IQCM: variants seen among roughly 807,000 people sequenced by gnomAD.
IQCM encodes IQ motif containing M.
IQCM carries 45 observed loss-of-function variants against 57.6 expected under a neutral mutation model. That is an observed-to-expected ratio of 0.78 (90% CI 0.62 to 1.00). The LOEUF (loss-of-function observed/expected upper bound fraction) is 1.00, where lower values mean the gene tolerates loss of function less well. IQCM is among the 50% of genes least tolerant of loss of function. The pLI, the probability that IQCM is intolerant of heterozygous loss-of-function variation, is 0.00. For synonymous variants in IQCM, 148 were observed against 158.9 expected, an observed-to-expected ratio of 0.93 and a Z score of 0.51; for missense variants, 468 against 511.6, an observed-to-expected ratio of 0.91 and a Z score of 0.82.
chr4:149,714,601 T>TA (rs1475129722), intron 5 of IQCM, among the ~76,000 whole-genome samples: 1 of 152,182 alleles, frequency 6.6e-6, no homozygotes, highest in Non-Finnish European at 1.5e-5. Flanking sequence ...CCAAATCCTA[T>TA]ATGTACCATG....
At chr4:149,415,349 T>C (rs548832077) in intron 13 of IQCM, among the ~76,000 whole-genome samples, 2 of 152,302 alleles carry the variant, frequency 1.3e-5, no homozygotes, top group African/African-American at 4.8e-5. Flanking sequence ...GTGCAAGACA[T>C]CATTCTTTAA....
intron 7 of IQCM, among the ~76,000 whole-genome samples, chr4:149,663,165 C>T (rs1227736806): frequency 2.0e-5 from 3 of 151,978 alleles, no homozygotes; most frequent in Non-Finnish European, 4.4e-5. Flanking sequence ...GTTTAGTGAA[C>T]ATAAAAGTAC....
At chr4:149,593,869 T>C (rs1161895381) in intron 8 of IQCM, among the ~76,000 whole-genome samples, 3 of 152,166 alleles carry the variant, frequency 2.0e-5, no homozygotes, top group Non-Finnish European at 2.9e-5. Context: ...CAGTATTTTA[T>C]TGAGGATCTT....
At chr4:149,612,682 TA>T in intron 8 of IQCM, among the ~76,000 whole-genome samples, 1 of 151,762 alleles carries the variant, frequency 6.6e-6, no homozygotes, top group Middle Eastern at 3.4e-3. Flanking sequence ...GTAAGCTATG[TA>T]ACTGTAACTG....
At chr4:149,624,558 C>T (rs748609567) in intron 7 of IQCM, among the ~76,000 whole-genome samples, 17 of 151,736 alleles carry the variant, frequency 1.1e-4, no homozygotes, top group Non-Finnish European at 2.2e-4. Context: ...AGATCGTATA[C>T]GACAGGTGAT....
intron 3 of IQCM, among the ~76,000 whole-genome samples, chr4:149,741,449 C>T (rs1414227688): frequency 1.3e-5 from 2 of 152,040 alleles, no homozygotes. Context: ...TGGGCATGAC[C>T]TAAAGCAAAA....
chr4:149,461,976 G>C (rs1738344191), intron 12 of IQCM, among the ~76,000 whole-genome samples: 1 of 152,164 alleles, frequency 6.6e-6, no homozygotes, highest in East Asian at 1.9e-4. Flanking sequence ...CCTGGGGGTT[G>C]GGGTCCCCTA....
chr4:149,770,615 TAAC>T (rs1056557466), intron 2 of IQCM, among the ~76,000 whole-genome samples: 2 of 152,014 alleles, frequency 1.3e-5, no homozygotes, highest in Admixed American at 1.3e-4. Flanking sequence ...CAAATTGTCT[TAAC>T]AATAAAATAT....
intron 12 of IQCM, among the ~76,000 whole-genome samples, chr4:149,516,986 C>A (rs1745036788): frequency 6.6e-6 from 1 of 151,770 alleles, no homozygotes; most frequent in African/African-American, 2.4e-5. Flanking sequence ...TACAGGAGAT[C>A]CATTAGGGCA....
At position 149,351,721 on chromosome 4, in the gene IQCM, T is replaced by G. The variant is rs1398083147; in HGVS notation, c.*230A>C. On this transcript the variant is annotated 3_prime_UTR_variant, in exon 14 of 14. Transcript: ENST00000636793. Reference sequence around the variant, plus strand: ...CTAATGAAAGGAGTACTTGACACTCTGCAGGTTTACTTCATTATGATAAAA... The same window carrying G: ...CTAATGAAAGGAGTACTTGACACTCGGCAGGTTTACTTCATTATGATAAAA... Among the ~76,000 whole-genome samples the G allele has an allele frequency of 6.6e-6, 1 of 152,222 alleles. No homozygotes were observed.
intron 12 of IQCM, among the ~76,000 whole-genome samples, chr4:149,484,349 T>C (rs924705330): frequency 6.6e-6 from 1 of 152,050 alleles, no homozygotes; most frequent in African/African-American, 2.4e-5. Flanking sequence ...TTTTGTTATT[T>C]GTTTTTTAGG....
intron 12 of IQCM, among the ~76,000 whole-genome samples, chr4:149,453,767 T>C: frequency 6.6e-6 from 1 of 151,914 alleles, no homozygotes; most frequent in East Asian, 1.9e-4. Context: ...ATATTGTTCG[T>C]GAGATTGTAA....
chr4:149,594,387 T>C (rs977262907), intron 8 of IQCM, among the ~76,000 whole-genome samples: 1 of 152,174 alleles, frequency 6.6e-6, no homozygotes, highest in Non-Finnish European at 1.5e-5. Flanking sequence ...ATCAATTTTG[T>C]TGATCTTTTC....
At chr4:149,810,450 T>C (rs1418064839) in intron 2 of IQCM, among the ~76,000 whole-genome samples, 2 of 149,840 alleles carry the variant, frequency 1.3e-5, no homozygotes, top group South Asian at 2.1e-4. Flanking sequence ...TTCAAAAACA[T>C]ATAATTTTTT....
chr4:149,731,310 T>A (rs944771856), intron 5 of IQCM, among the ~76,000 whole-genome samples: 2 of 152,118 alleles, frequency 1.3e-5, no homozygotes, highest in African/African-American at 4.8e-5. Flanking sequence ...CCTTCCACCA[T>A]GTGAAGACAC....
At chr4:149,588,930 T>C (rs185503065) in intron 8 of IQCM, among the ~76,000 whole-genome samples, 3 of 152,074 alleles carry the variant, frequency 2.0e-5, no homozygotes, top group Admixed American at 2.0e-4. Context: ...CCTGGCATAA[T>C]ATACCAGCTT....
intron 2 of IQCM, among the ~76,000 whole-genome samples, chr4:149,810,387 T>C (rs1237211525): frequency 3.4e-5 from 5 of 147,964 alleles, no homozygotes; most frequent in Admixed American, 3.4e-4. Flanking sequence ...AAAAGAAAAG[T>C]TGGAGTGCTT....
chr4:149,531,324 T>C (rs930867233), intron 12 of IQCM, among the ~76,000 whole-genome samples: 3 of 152,154 alleles, frequency 2.0e-5, no homozygotes, highest in African/African-American at 7.2e-5. Context: ...GGCAAGAAAT[T>C]ATGGTAACAA....
chr4:149,472,101 G>C (rs1168714261), intron 12 of IQCM, among the ~76,000 whole-genome samples: 1 of 152,148 alleles, frequency 6.6e-6, no homozygotes, highest in Non-Finnish European at 1.5e-5. Flanking sequence ...ATTTAACATA[G>C]TGTTGGAAGT....
Sources: allele counts gnomAD v4.1 joint callset (sites outside exome capture counted in the v4.1 genomes callset), GRCh38; gene constraint gnomAD v4.1.1; transcripts MANE v1.5; gene names NCBI Gene and HGNC (gene_info 2026-07-23, HGNC 2026-07-21).